Variants in ARID4B observed in about 807,000 individuals in gnomAD.
ARID4B encodes the protein AT-rich interaction domain 4B, also known as AT-rich interactive domain-containing protein 4B.
A neutral mutation model predicts 147.5 loss-of-function variants in ARID4B; 26 were observed. The ratio of observed to expected loss-of-function variants is 0.18; its 90% CI spans 0.13 to 0.24. ARID4B has a LOEUF of 0.24. Ranked by LOEUF, ARID4B falls within the 10% of genes least tolerant of loss-of-function variation. ARID4B has a pLI of 1.00. For missense variants in ARID4B, 1,179 were observed against 1,511.5 expected (o/e 0.78, Z 3.65); for synonymous variants, 512 against 507.9 (o/e 1.01, Z -0.11).
rs549362800 is a variant in ARID4B at position 235,212,695 on chromosome 1, A to G, written c.1841+1074T>C. On this transcript the variant is annotated intron_variant, in intron 17 of 23. Coordinates refer to ENST00000264183, the MANE Select transcript of ARID4B (RefSeq NM_016374.6). ...ATGAGTACATTTATATGTATGTGAA[A>G]GTAGAATGAAAAGTTAGTAAGGACA... Among the ~76,000 whole-genome samples, 172 of 152,342 alleles carry G rather than the reference A, an allele frequency of 1.1e-3. 1 individual carries two copies. Among genetic ancestry groups the G allele is most frequent in the African/African-American group, 4.1e-3 (169 of 41,588 alleles).
intron 8 of ARID4B, among the ~76,000 whole-genome samples, chr1:235,236,765 G>A (rs1483181232): frequency 7.1e-6 from 1 of 140,860 alleles, no homozygotes; most frequent in African/African-American, 2.7e-5. Flanking sequence ...TGCCCACCTC[G>A]GCCTCCCAAA....
intron 22 of ARID4B, among the ~76,000 whole-genome samples, chr1:235,174,561 G>A (rs888823936): frequency 3.9e-5 from 6 of 152,004 alleles, no homozygotes; most frequent in East Asian, 1.9e-4. Flanking sequence ...AGCACTTTGC[G>A]AGGCAGAGGC....
At chr1:235,301,874 C>T (rs559798154) in intron 2 of ARID4B, among the ~76,000 whole-genome samples, 72 of 151,968 alleles carry the variant, frequency 4.7e-4, no homozygotes, top group African/African-American at 1.6e-3. Flanking sequence ...GCTACCACAC[C>T]CAGCTAATTT....
intron 10 of ARID4B, among the ~76,000 whole-genome samples, chr1:235,229,830 G>C (rs1668087383): frequency 6.6e-6 from 1 of 152,088 alleles, no homozygotes; most frequent in Non-Finnish European, 1.5e-5. Flanking sequence ...ATTTTCAGTT[G>C]AACTTCAATT....
In ARID4B at chr1:235,255,283, C is replaced by CTA. The variant is rs879346711; in HGVS notation, c.274+376_274+377insTA. ...GATAGATATATATCTCTCTCTCTCTCTCTCTATATATATATATACACAGTT... is the reference window on the plus strand; with the variant it reads ...GATAGATATATATCTCTCTCTCTCTCTATCTCTATATATATATATACACAGTT... On this transcript the variant is annotated intron_variant, in intron 5 of 23. Coordinates refer to ENST00000264183, the MANE Select transcript of ARID4B (RefSeq NM_016374.6). 8.2e-3 allele frequency among the ~76,000 whole-genome samples: 744 copies of CTA among 91,200 alleles called. 4 individuals carry two copies. Among genetic ancestry groups the CTA allele is most frequent in the Non-Finnish European group, 9.8e-3 (359 of 36,674 alleles). 59.8% of individuals were successfully genotyped at this position (91,200 alleles called of 152,430 possible). A position where few individuals can be genotyped will look rare whatever the true frequency, so the allele number is the denominator to read the frequency against.
At chr1:235,255,053 C>T (rs1451779877) in intron 5 of ARID4B, among the ~76,000 whole-genome samples, 1 of 151,718 alleles carries the variant, frequency 6.6e-6, no homozygotes, top group African/African-American at 2.4e-5. Context: ...TAAAGAAATA[C>T]TAGGATACAG....
At chr1:235,244,577 T>C (rs1003307147) in intron 7 of ARID4B, among the ~76,000 whole-genome samples, 1 of 152,112 alleles carries the variant, frequency 6.6e-6, no homozygotes, top group South Asian at 2.1e-4. Flanking sequence ...CTCAATTTAA[T>C]GGAAGATGTT....
At chr1:235,285,299 A>G (rs568276336) in intron 2 of ARID4B, among the ~76,000 whole-genome samples, 1 of 152,332 alleles carries the variant, frequency 6.6e-6, no homozygotes, top group South Asian at 2.1e-4. Flanking sequence ...GTAGAAATGG[A>G]GGATTGTTCT....
Position 235,167,907 on chromosome 1 carries a change from A to G in ARID4B, c.*618T>C, listed in dbSNP as rs1037056906. ...TTGAAGGGCCATGAAAAGCCACTGC[A>G]AGACCTTTTAGCCTAATTCAAACCT... On this transcript the variant is annotated 3_prime_UTR_variant, in exon 24 of 24. Transcript: ENST00000264183. 6 of 197,628 alleles carry G rather than the reference A, an allele frequency of 3.0e-5. No individual in the cohort carries two copies. Among genetic ancestry groups the G allele is most frequent in the Non-Finnish European group, 6.3e-5 (6 of 95,116 alleles). 12.2% of individuals were successfully genotyped at this position (197,628 alleles called of 1,614,324 possible).
At chr1:235,297,225 T>C (rs914970820) in intron 2 of ARID4B, among the ~76,000 whole-genome samples, 1 of 151,958 alleles carries the variant, frequency 6.6e-6, no homozygotes, top group African/African-American at 2.4e-5. Flanking sequence ...AATTGAAACA[T>C]GAAAAACAGC....
At chr1:235,292,458 A>G (rs757610295) in intron 2 of ARID4B, among the ~76,000 whole-genome samples, 83 of 152,024 alleles carry the variant, frequency 5.5e-4, no homozygotes, top group Non-Finnish European at 8.5e-4. Context: ...TACTAAAAAT[A>G]CAACAAAAGT....
At chr1:235,197,685 T>C (rs920806048) in intron 17 of ARID4B, among the ~76,000 whole-genome samples, 3 of 152,236 alleles carry the variant, frequency 2.0e-5, no homozygotes, top group Non-Finnish European at 4.4e-5. Context: ...AAAATAAGAC[T>C]ACAATTTAAA....
At chr1:235,218,008 TAAC>T (rs1667208531) in intron 16 of ARID4B, among the ~76,000 whole-genome samples, 1 of 152,168 alleles carries the variant, frequency 6.6e-6, no homozygotes, top group Admixed American at 6.5e-5. Flanking sequence ...CAATGACTAA[TAAC>T]AAAGCAATTA....
intron 19 of ARID4B, among the ~76,000 whole-genome samples, chr1:235,188,056 A>C (rs958581803): frequency 6.6e-6 from 1 of 152,234 alleles, no homozygotes; most frequent in South Asian, 2.1e-4. Flanking sequence ...ATCTGTAAAA[A>C]GACTGCACAC....
chr1:235,321,129 T>C (rs138705648), intron 2 of ARID4B, among the ~76,000 whole-genome samples: 170 of 152,332 alleles, frequency 1.1e-3, no homozygotes, highest in Admixed American at 5.9e-3. Flanking sequence ...CTGAATTCAC[T>C]GGCTGACTTG....
At chr1:235,173,823 A>C (rs1205693837) in intron 22 of ARID4B, among the ~76,000 whole-genome samples, 1 of 84,470 alleles carries the variant, frequency 1.2e-5, no homozygotes, top group Non-Finnish European at 2.4e-5. Context: ...TGTATACCTA[A>C]AACATATATA....
At chr1:235,303,124 C>A (rs1466563808) in intron 2 of ARID4B, among the ~76,000 whole-genome samples, 1 of 151,654 alleles carries the variant, frequency 6.6e-6, no homozygotes, top group Admixed American at 6.6e-5. Context: ...AGGGTTTCAC[C>A]GTGTTAGCCA....
In ARID4B at chr1:235,296,757, GC is replaced by G. The variant is rs1280254871; in HGVS notation, c.6+30156del. Among the ~76,000 whole-genome samples the G allele has an allele frequency of 3.3e-5, 4 of 121,632 alleles. No individual in the cohort carries two copies. The East Asian group carries it at 1.0e-3, about 31-fold the overall frequency. 79.8% of individuals were successfully genotyped at this position (121,632 alleles called of 152,430 possible). ...TTACAGGAGTGAGCCACCTCACCCA[GC>G]CATAATTTACTCTAATTAAAAAAAA... On this transcript the variant is annotated intron_variant, in intron 2 of 23. Transcript: ENST00000264183.
At chr1:235,272,524 T>C (rs1671056807) in intron 2 of ARID4B, among the ~76,000 whole-genome samples, 1 of 152,124 alleles carries the variant, frequency 6.6e-6, no homozygotes, top group East Asian at 1.9e-4. Context: ...GCGTCTTATA[T>C]AAACAGGTGA....
Sources: gnomAD v4.1 joint callset for allele counts (sites outside exome capture counted in the v4.1 genomes callset) on GRCh38, gnomAD v4.1.1 for gene constraint, MANE v1.5 for transcripts, NCBI Gene and HGNC (gene_info 2026-07-23, HGNC 2026-07-21) for gene names.